The following PLA2G4A variants were observed in gnomAD, a reference collection of about 807,000 sequenced individuals.
PLA2G4A encodes the protein phospholipase A2 group IVA.
A neutral mutation model predicts 81.9 loss-of-function variants in PLA2G4A; 40 were observed. The ratio of observed to expected loss-of-function variants is 0.49; its 90% CI spans 0.38 to 0.64. The LOEUF is 0.64. PLA2G4A is among the 30% of genes least tolerant of loss of function. PLA2G4A has a pLI of 0.00. For synonymous variants in PLA2G4A, 302 were observed against 296.9 expected (o/e 1.02, Z -0.18); for missense variants, 715 against 905.1 (o/e 0.79, Z 2.69).
intron 12 of PLA2G4A, among the ~76,000 whole-genome samples, chr1:186,950,062 A>AAT (rs1419932506): frequency 6.6e-6 from 1 of 152,088 alleles, no homozygotes; most frequent in Non-Finnish European, 1.5e-5. Flanking sequence ...ATTATGCTAG[A>AAT]ATTTACTGCT....
rs61166541 is a variant in PLA2G4A, at chr1:186,975,258, A to T, written c.1765-2335A>T. ...TCAAGTTTCAAACAAGAAATTATTT[A>T]CATACATATGGGATTTTCAGTGAAA... On this transcript the variant is annotated intron_variant, in intron 15 of 17. Coordinates refer to ENST00000367466, the MANE Select transcript of PLA2G4A (RefSeq NM_024420.3). 7.9e-4 allele frequency among the ~76,000 whole-genome samples: 120 copies of T among 152,380 alleles called. 4 individuals are homozygous for T. The East Asian group carries it at 0.023, about 29-fold the overall frequency.
intron 2 of PLA2G4A, among the ~76,000 whole-genome samples, chr1:186,865,297 T>C (rs75792780): frequency 0.052 from 7,971 of 151,932 alleles, 693 homozygotes; most frequent in African/African-American, 0.18. Context: ...GGCCAACCCA[T>C]GTCTGAGAAT....
At chr1:186,914,981 C>A (rs1558432858) in intron 7 of PLA2G4A, among the ~76,000 whole-genome samples, 1 of 152,108 alleles carries the variant, frequency 6.6e-6, no homozygotes, top group South Asian at 2.1e-4. Flanking sequence ...AGCGATGAAG[C>A]TTTTTATCAT....
Position 186,946,636 on chromosome 1 carries a change from G to A in PLA2G4A, c.1034-1G>A, listed in dbSNP as rs1032822709. 1.2e-6 allele frequency: 2 copies of A among 1,606,968 alleles called. No individual in the cohort carries two copies. The highest frequency in any genetic ancestry group is 1.7e-6 in the Non-Finnish European group (2 of 1,173,924). ...TTGCCTTGTTTTTAAAATACTTTCA[G>A]ATTGGGTTGAATTTAGTCCATACGA... On this transcript the variant is annotated splice_acceptor_variant, in intron 10 of 17. Coordinates refer to ENST00000367466, the MANE Select transcript of PLA2G4A (RefSeq NM_024420.3). LOFTEE classifies it high-confidence loss of function.
chr1:186,918,689 C>A (rs1183023745), intron 7 of PLA2G4A, among the ~76,000 whole-genome samples: 1 of 152,252 alleles, frequency 6.6e-6, no homozygotes, highest in African/African-American at 2.4e-5. Flanking sequence ...AACACCTCTA[C>A]ACAGTTATGC....
At chr1:186,961,389 A>C (rs1020064925) in intron 14 of PLA2G4A, among the ~76,000 whole-genome samples, 1 of 152,236 alleles carries the variant, frequency 6.6e-6, no homozygotes, top group African/African-American at 2.4e-5. Context: ...TGAATATGTT[A>C]ATTAGCTTGA....
chr1:186,970,845 C>T (rs1461460530), intron 15 of PLA2G4A, among the ~76,000 whole-genome samples: 1 of 151,808 alleles, frequency 6.6e-6, no homozygotes, highest in Non-Finnish European at 1.5e-5. Flanking sequence ...TAATGTGATG[C>T]CTCCAGCTTT....
chr1:186,913,453 C>G (rs879944146), intron 7 of PLA2G4A, among the ~76,000 whole-genome samples: 5 of 152,024 alleles, frequency 3.3e-5, no homozygotes, highest in Admixed American at 3.3e-4. Flanking sequence ...ATCTATTTCT[C>G]TCTTTATATA....
intron 17 of PLA2G4A, 131 bp from the exon 18 acceptor site, chr1:186,988,246 C>T (rs140653513): frequency 2.4e-4 from 156 of 653,670 alleles, no homozygotes; most frequent in African/African-American, 2.1e-3. Flanking sequence ...ATGCATGACT[C>T]GTAGATTTCT....
chr1:186,849,960 T>C (rs1052432092), intron 1 of PLA2G4A, among the ~76,000 whole-genome samples: 1 of 151,990 alleles, frequency 6.6e-6, no homozygotes, highest in African/African-American at 2.4e-5. Flanking sequence ...CTTGACACAT[T>C]TGAAGGAAAG....
At chr1:186,900,633 G>T (rs1401937092) in intron 5 of PLA2G4A, among the ~76,000 whole-genome samples, 1 of 152,206 alleles carries the variant, frequency 6.6e-6, no homozygotes, top group Non-Finnish European at 1.5e-5. Context: ...CCATTTTAAA[G>T]TGGGAAGGTC....
At chr1:186,886,983 C>T (rs1193491305) in intron 3 of PLA2G4A, among the ~76,000 whole-genome samples, 1 of 152,138 alleles carries the variant, frequency 6.6e-6, no homozygotes, top group Non-Finnish European at 1.5e-5. Flanking sequence ...TGCAGATTTC[C>T]AGGCCCATGC....
At chr1:186,894,246 T>C (rs1400522180) in intron 5 of PLA2G4A, 35 bp downstream of exon 5, 1 of 795,504 alleles carries the variant, frequency 1.3e-6, no homozygotes, top group East Asian at 2.5e-5. Context: ...TCCAACCTTA[T>C]GTTAGATAAA....
intron 7 of PLA2G4A, among the ~76,000 whole-genome samples, chr1:186,920,444 C>G (rs1023388121): frequency 3.3e-5 from 5 of 152,204 alleles, no homozygotes; most frequent in Non-Finnish European, 7.3e-5. Context: ...TGTTCAGCAC[C>G]AATATCGACC....
chr1:186,839,292 C>A (rs1651894984), intron 1 of PLA2G4A, among the ~76,000 whole-genome samples: 1 of 152,178 alleles, frequency 6.6e-6, no homozygotes. Context: ...CTCTGCCTGA[C>A]ACTAAGTAGC....
At chr1:186,986,487 TGTA>T (rs1657896047) in intron 17 of PLA2G4A, among the ~76,000 whole-genome samples, 1 of 152,208 alleles carries the variant, frequency 6.6e-6, no homozygotes, top group Non-Finnish European at 1.5e-5. Flanking sequence ...TAAAAGAAGA[TGTA>T]GTAGGATACT....
Position 186,906,953 on chromosome 1 carries a change from G to T in PLA2G4A, c.379-12G>T. The T allele has an allele frequency of 1.4e-6, 2 of 1,422,658 alleles. No individual in the cohort carries two copies. The highest frequency in any genetic ancestry group is 2.0e-6 in the Non-Finnish European group (2 of 1,006,874). 88.1% of individuals were successfully genotyped at this position (1,422,658 alleles called of 1,614,324 possible). A position where few individuals can be genotyped will look rare whatever the true frequency, so the allele number is the denominator to read the frequency against. On this transcript the variant is annotated splice_polypyrimidine_tract_variant and intron_variant, in intron 5 of 17. Coordinates refer to ENST00000367466, the MANE Select transcript of PLA2G4A (RefSeq NM_024420.3). ...CTTTATGACCTAATCTGATTAACATGTCTTTTTTTAGGTCACTGAAATGGT... is the reference window on the plus strand; with the variant it reads ...CTTTATGACCTAATCTGATTAACATTTCTTTTTTTAGGTCACTGAAATGGT...
chr1:186,849,834 A>T (rs1652311655), intron 1 of PLA2G4A, among the ~76,000 whole-genome samples: 1 of 152,040 alleles, frequency 6.6e-6, no homozygotes, highest in African/African-American at 2.4e-5. Context: ...CTAGCTCCTC[A>T]CTTTTGCCTC....
chr1:186,842,617 T>C (rs1652029307), intron 1 of PLA2G4A, among the ~76,000 whole-genome samples: 1 of 152,132 alleles, frequency 6.6e-6, no homozygotes, highest in Non-Finnish European at 1.5e-5. Flanking sequence ...TTGACTAGTG[T>C]CCTTAAAAGA....
Sources: allele counts gnomAD v4.1 joint callset (sites outside exome capture counted in the v4.1 genomes callset), GRCh38; gene constraint gnomAD v4.1.1; transcripts MANE v1.5; gene names NCBI Gene and HGNC (gene_info 2026-07-23, HGNC 2026-07-21).